Variants in VPS8 observed in about 807,000 individuals in gnomAD.
The protein encoded by VPS8 is VPS8 subunit of CORVET complex.
Under a neutral mutation model 216.4 loss-of-function variants are expected in VPS8, and 129 were observed. The observed-to-expected ratio is 0.60, with a 90% CI of 0.52 to 0.69. The LOEUF (loss-of-function observed/expected upper bound fraction) is 0.69. VPS8 is among the 30% of genes least tolerant of loss of function. VPS8 has a pLI of 0.00. For missense variants in VPS8, 1,531 were observed against 1,683.5 expected, an observed-to-expected ratio of 0.91 and a Z score of 1.59; for synonymous variants, 571 against 565.4, an observed-to-expected ratio of 1.01 and a Z score of -0.14.
intron 46 of VPS8, among the ~76,000 whole-genome samples, chr3:185,042,119 G>A (rs1358898531): frequency 6.6e-6 from 1 of 152,114 alleles, no homozygotes; most frequent in Non-Finnish European, 1.5e-5. Flanking sequence ...TTTGCTCCCC[G>A]GTTTTCCATG....
At chr3:184,966,929 G>A (rs2109579780) in intron 39 of VPS8, among the ~76,000 whole-genome samples, 1 of 151,798 alleles carries the variant, frequency 6.6e-6, no homozygotes, top group African/African-American at 2.4e-5. Flanking sequence ...TTAATTTTCG[G>A]TGGAGTTAAA....
chr3:185,049,134 G>T (rs1438956441), intron 47 of VPS8, among the ~76,000 whole-genome samples: 1 of 152,118 alleles, frequency 6.6e-6, no homozygotes, highest in Non-Finnish European at 1.5e-5. Flanking sequence ...CTAGAATTTA[G>T]ACCCATGACC....
intron 45 of VPS8, among the ~76,000 whole-genome samples, chr3:185,019,708 C>T (rs901525095): frequency 1.3e-4 from 20 of 152,140 alleles, no homozygotes; most frequent in African/African-American, 1.9e-4. Flanking sequence ...CCAGCGTGGG[C>T]GTCATGGCCA....
chr3:184,818,072 G>A (rs1025123860), intron 1 of VPS8, among the ~76,000 whole-genome samples: 2 of 152,152 alleles, frequency 1.3e-5, no homozygotes, highest in East Asian at 1.9e-4. Flanking sequence ...ATCAGCTTGA[G>A]CAGACATGAA....
intron 15 of VPS8, among the ~76,000 whole-genome samples, chr3:184,860,738 A>C (rs1462852013): frequency 2.0e-5 from 3 of 151,610 alleles, no homozygotes; most frequent in Non-Finnish European, 4.4e-5. Flanking sequence ...TTGATTCAGC[A>C]GCTTGTGCAA....
intron 7 of VPS8, among the ~76,000 whole-genome samples, chr3:184,842,522 A>G (rs369226629): frequency 6.6e-5 from 10 of 152,306 alleles, no homozygotes; most frequent in Middle Eastern, 3.4e-3. Context: ...AATTTTACTC[A>G]TTACTGTTTA....
At chr3:184,969,935 A>C (rs1326652299) in intron 39 of VPS8, among the ~76,000 whole-genome samples, 3 of 97,714 alleles carry the variant, frequency 3.1e-5, no homozygotes, top group African/African-American at 4.2e-5. Flanking sequence ...TTTGAGACGG[A>C]GTCTCACTCC....
intron 22 of VPS8, among the ~76,000 whole-genome samples, chr3:184,889,236 T>C (rs1731878465): frequency 1.3e-5 from 2 of 152,190 alleles, no homozygotes; most frequent in Admixed American, 1.3e-4. Context: ...TGTCAACTTC[T>C]TTCCTATAAT....
chr3:184,902,967 G>T (rs749359566), intron 25 of VPS8, among the ~76,000 whole-genome samples: 9 of 152,074 alleles, frequency 5.9e-5, no homozygotes, highest in Non-Finnish European at 1.3e-4. Context: ...TATAAATGAT[G>T]TAAGGTAAAG....
chr3:185,001,143 CTT>C lies in VPS8; in HGVS notation c.4002+1283_4002+1284del, dbSNP rs548107321. Among the ~76,000 whole-genome samples the C allele has an allele frequency of 2.5e-3, 374 of 152,280 alleles. 1 individual carries two copies. The highest frequency in any genetic ancestry group is 4.7e-3 in the Non-Finnish European group (323 of 68,020). ...TCTTTCAGAGTATACAGTCAACAAA[CTT>C]ATAAAAGGATTTTTAACAGAGTACT... is the stretch of plus-strand genomic sequence containing the variant. On this transcript the variant is annotated intron_variant, in intron 45 of 47. Coordinates refer to ENST00000625842, the MANE Select transcript of VPS8 (RefSeq NM_001009921.3).
intron 38 of VPS8, among the ~76,000 whole-genome samples, chr3:184,966,009 G>C (rs1403790362): frequency 6.6e-6 from 1 of 152,160 alleles, no homozygotes. Context: ...CTTCTGTGTT[G>C]CTCTAGAGGA....
At chr3:184,858,990 G>A (rs922725705) in intron 14 of VPS8, among the ~76,000 whole-genome samples, 1 of 152,126 alleles carries the variant, frequency 6.6e-6, no homozygotes, top group African/African-American at 2.4e-5. Flanking sequence ...CTTTGCTCTT[G>A]TCTGCAGCTG....
At chr3:184,920,982 A>G (rs932732843) in intron 29 of VPS8, among the ~76,000 whole-genome samples, 4 of 152,226 alleles carry the variant, frequency 2.6e-5, no homozygotes, top group Admixed American at 6.5e-5. Context: ...TTAACCTTGT[A>G]AGACAGGCAG....
intron 9 of VPS8, 132 bp downstream of exon 9, chr3:184,849,327 C>A (rs1445408694): frequency 3.6e-6 from 4 of 1,099,962 alleles, no homozygotes; most frequent in African/African-American, 1.6e-5. Flanking sequence ...CCAGAGATTG[C>A]TGAATCTGAG....
chr3:185,025,907 T>C (rs923574767), intron 46 of VPS8, among the ~76,000 whole-genome samples: 1 of 152,216 alleles, frequency 6.6e-6, no homozygotes, highest in African/African-American at 2.4e-5. Context: ...TTTCGTCTTA[T>C]GTAAAATGGT....
intron 42 of VPS8, among the ~76,000 whole-genome samples, chr3:184,985,810 G>A (rs1750979413): frequency 6.6e-6 from 1 of 152,168 alleles, no homozygotes; most frequent in African/African-American, 2.4e-5. Context: ...CCATTATATG[G>A]ACTGGAAGAG....
intron 28 of VPS8, among the ~76,000 whole-genome samples, chr3:184,918,804 T>C (rs942972806): frequency 1.3e-5 from 2 of 152,182 alleles, no homozygotes; most frequent in African/African-American, 4.8e-5. Flanking sequence ...CAGGCAGGGA[T>C]GGGTGTCTAT....
At position 185,048,564 on chromosome 3, in the gene VPS8, T is replaced by C. The variant is rs1009672266; in HGVS notation, c.4137+5T>C. ...CTCTACCGAGGAAGCTCCAGGGTAA[T>C]GTTTGCGTGGTTGTTTATATTTTTA... On this transcript the variant is annotated splice_donor_5th_base_variant and intron_variant, in intron 47 of 47. Coordinates refer to ENST00000625842, the MANE Select transcript of VPS8 (RefSeq NM_001009921.3). 1.2e-6 allele frequency: 2 copies of C among 1,613,746 alleles called. No homozygotes were observed. The highest frequency in any genetic ancestry group is 1.7e-6 in the Non-Finnish European group (2 of 1,179,830).
intron 17 of VPS8, 117 bp downstream of exon 17, chr3:184,867,067 C>G: frequency 1.1e-6 from 1 of 884,830 alleles, no homozygotes; most frequent in African/African-American, 1.7e-5. Flanking sequence ...AGCAATTATC[C>G]TAAACCCTTT....
Sources: gnomAD v4.1 joint callset for allele counts (sites outside exome capture counted in the v4.1 genomes callset) on GRCh38, gnomAD v4.1.1 for gene constraint, MANE v1.5 for transcripts, NCBI Gene and HGNC (gene_info 2026-07-23, HGNC 2026-07-21) for gene names.